The following RAB28 variants were observed in gnomAD, a reference collection of about 807,000 sequenced individuals.
The protein encoded by RAB28 is ras-related protein Rab-28.
Under a neutral mutation model 31.7 loss-of-function variants are expected in RAB28, and 24 were observed. The observed-to-expected ratio is 0.76, with a 90% CI of 0.55 to 1.06. RAB28 has a LOEUF of 1.06. Among genes scored for constraint, RAB28 ranks in the 50% least tolerant of loss-of-function variants. RAB28 has a pLI of 0.00. For synonymous variants in RAB28, 100 were observed against 90.4 expected (o/e 1.11, Z -0.60); for missense variants, 254 against 258.5 (o/e 0.98, Z 0.12).
At position 13,367,760 on chromosome 4, in the gene RAB28, T is replaced by G; in HGVS notation, c.*798A>C. ...AGTTTATTTGTGAAAGAAAAACATC[T>G]GAACATCAGGTACAGTCTGATCCAC... On this transcript the variant is annotated 3_prime_UTR_variant, in exon 7 of 7. Coordinates refer to ENST00000330852, the MANE Select transcript of RAB28 (RefSeq NM_001017979.3). The G allele has an allele frequency of 1.0e-6, 1 of 985,064 alleles. No homozygotes were observed. The highest frequency in any genetic ancestry group is 1.2e-6 in the Non-Finnish European group (1 of 829,616). 61.0% of individuals were successfully genotyped at this position (985,064 alleles called of 1,614,324 possible). A position where few individuals can be genotyped will look rare whatever the true frequency, so the allele number is the denominator to read the frequency against.
chr4:13,393,754 T>C (rs1177000504), intron 4 of RAB28, among the ~76,000 whole-genome samples: 2 of 150,420 alleles, frequency 1.3e-5, no homozygotes, highest in Non-Finnish European at 2.9e-5. Flanking sequence ...ACATATTATA[T>C]ACATGCAGCT....
chr4:13,474,443 C>CA (rs1173236610), intron 2 of RAB28, 37 bp from the exon 3 acceptor site: 2 of 1,253,336 alleles, frequency 1.6e-6, no homozygotes, highest in Admixed American at 2.0e-5. Context: ...ATAAGAATAC[C>CA]AAAAAAATTA....
chr4:13,402,330 T>C (rs1711814319), intron 4 of RAB28, among the ~76,000 whole-genome samples: 1 of 152,244 alleles, frequency 6.6e-6, no homozygotes, highest in South Asian at 2.1e-4. Flanking sequence ...ATAAAACATG[T>C]AGACATTGAT....
At chr4:13,369,786 T>G in intron 6 of RAB28, 1 of 1,248,080 alleles carries the variant, frequency 8.0e-7, no homozygotes, top group Non-Finnish European at 1.1e-6. Flanking sequence ...TGAACTTCCC[T>G]ATTCATAGGG....
chr4:13,448,914 G>A (rs1415185488), intron 4 of RAB28, among the ~76,000 whole-genome samples: 1 of 151,438 alleles, frequency 6.6e-6, no homozygotes, highest in African/African-American at 2.4e-5. Context: ...AAAAGAAAAA[G>A]CAGCAGCAGC....
intron 4 of RAB28, among the ~76,000 whole-genome samples, chr4:13,386,250 T>C (rs1037125561): frequency 2.0e-5 from 3 of 151,508 alleles, no homozygotes; most frequent in African/African-American, 7.3e-5. Context: ...AAAACAAAAA[T>C]TTACAAATGG....
intron 5 of RAB28, among the ~76,000 whole-genome samples, chr4:13,379,178 C>A (rs1359618386): frequency 7.0e-6 from 1 of 141,920 alleles, no homozygotes; most frequent in Non-Finnish European, 1.5e-5. Flanking sequence ...TGCACTCCAG[C>A]CCGGAGGACA....
rs752891237 is a variant in RAB28 at position 13,479,456 on chromosome 4, A to C, written c.146T>G (p.Phe49Cys). The change falls in exon 2 of 7, where the codon TTC becomes TGC. Residue 49 changes from phenylalanine (F) to cysteine (C), a missense_variant. Physicochemically the swap from Phe to Cys is radical, Grantham distance 205 (BLOSUM62 -2). Transcript: ENST00000330852. Reference sequence around the variant, plus strand: ...TGGCAATGTTATCCTTCTCAAAAAGAAATCCAGTCCTATAGTTTGTTTGTA... The same window carrying C: ...TGGCAATGTTATCCTTCTCAAAAAGCAATCCAGTCCTATAGTTTGTTTGTA... ...KQYKQTIGLD[F>C]FLRRITLPGN... The C allele has an allele frequency of 1.2e-6, 2 of 1,607,290 alleles. No homozygotes were observed. The highest frequency in any genetic ancestry group is 4.5e-5 in the East Asian group (2 of 44,682).
chr4:13,392,993 G>A (rs1041613753), intron 4 of RAB28, among the ~76,000 whole-genome samples: 3 of 152,096 alleles, frequency 2.0e-5, no homozygotes, highest in Non-Finnish European at 4.4e-5. Flanking sequence ...GTATGTGCCT[G>A]GCATATACTC....
At chr4:13,437,507 C>G (rs920939339) in intron 4 of RAB28, among the ~76,000 whole-genome samples, 11 of 150,700 alleles carry the variant, frequency 7.3e-5, no homozygotes, top group Non-Finnish European at 1.0e-4. Flanking sequence ...GAATTTAAGT[C>G]AAGGAAAAAA....
chr4:13,446,707 A>T (rs984873052), intron 4 of RAB28, among the ~76,000 whole-genome samples: 2 of 151,842 alleles, frequency 1.3e-5, no homozygotes, highest in African/African-American at 4.8e-5. Context: ...CAATGAGATG[A>T]ACTGGTACCT....
In RAB28 at chr4:13,368,663, A is replaced by G. The variant is rs570171601; in HGVS notation, c.574-13T>C. Reference sequence around the variant, plus strand: ...CCTTCACCACCCTCTGTCATAAAAGAAAACAGAGTTATTATCAGGATATCA... The same window carrying G: ...CCTTCACCACCCTCTGTCATAAAAGGAAACAGAGTTATTATCAGGATATCA... On this transcript the variant is annotated splice_polypyrimidine_tract_variant and intron_variant, in intron 6 of 6. Coordinates refer to ENST00000330852, the MANE Select transcript of RAB28 (RefSeq NM_001017979.3). 1 of 1,597,384 alleles carries G rather than the reference A, an allele frequency of 6.3e-7. No individual in the cohort carries two copies. Among genetic ancestry groups the G allele is most frequent in the South Asian group, 1.1e-5 (1 of 90,196 alleles).
At chr4:13,437,925 T>C (rs188004915) in intron 4 of RAB28, among the ~76,000 whole-genome samples, 4 of 152,120 alleles carry the variant, frequency 2.6e-5, no homozygotes, top group East Asian at 1.9e-4. Context: ...TTCACAATAG[T>C]GAAGTCATGG....
At chr4:13,427,098 A>T (rs1350822970) in intron 4 of RAB28, among the ~76,000 whole-genome samples, 3 of 152,204 alleles carry the variant, frequency 2.0e-5, no homozygotes, top group African/African-American at 7.2e-5. Context: ...GATATTTTAA[A>T]GCAAACTTTT....
At chr4:13,465,020 C>T (rs1421793199) in intron 3 of RAB28, among the ~76,000 whole-genome samples, 1 of 151,696 alleles carries the variant, frequency 6.6e-6, no homozygotes, top group Non-Finnish European at 1.5e-5. Flanking sequence ...TAAAGAATGC[C>T]ATTGTTGGGT....
intron 4 of RAB28, among the ~76,000 whole-genome samples, chr4:13,420,986 G>C (rs987355935): frequency 1.3e-5 from 2 of 152,188 alleles, no homozygotes; most frequent in African/African-American, 4.8e-5. Context: ...CAGATGACAT[G>C]ATTGTATATT....
rs1251945050 is a variant in RAB28 at position 13,375,800 on chromosome 4, G to C, written c.573+745C>G. 5.1e-3 allele frequency among the ~76,000 whole-genome samples: 718 copies of C among 141,060 alleles called. 6 individuals carry two copies. The highest frequency in any genetic ancestry group is 0.02 in the African/African-American group (682 of 34,912). 92.5% of individuals were successfully genotyped at this position (141,060 alleles called of 152,430 possible). ...ACACACACACACACACACACAGAGA[G>C]AGAGAGAGACCATGAGAAAAAGATA... On this transcript the variant is annotated intron_variant, in intron 6 of 6. Coordinates refer to ENST00000330852, the MANE Select transcript of RAB28 (RefSeq NM_001017979.3).
chr4:13,416,815 G>A lies in RAB28; in HGVS notation c.392-35221C>T, dbSNP rs142706930. Reference sequence around the variant, plus strand: ...ACAGCTCCAGTCTGCAGCTCCCAGTGTGATCAACACAGAAGATGGTGATTT... The same window carrying A: ...ACAGCTCCAGTCTGCAGCTCCCAGTATGATCAACACAGAAGATGGTGATTT... On this transcript the variant is annotated intron_variant, in intron 4 of 6. Transcript: ENST00000330852. 9.1e-3 allele frequency among the ~76,000 whole-genome samples: 1,389 copies of A among 152,332 alleles called. 10 individuals carry two copies. Among genetic ancestry groups the A allele is most frequent in the Non-Finnish European group, 0.015 (1,013 of 68,034 alleles).
intron 4 of RAB28, among the ~76,000 whole-genome samples, chr4:13,396,202 T>G (rs1435931339): frequency 6.6e-6 from 1 of 152,036 alleles, no homozygotes; most frequent in African/African-American, 2.4e-5. Flanking sequence ...AATATAGCAC[T>G]TGTACAGATT....
Sources: gnomAD v4.1 joint callset for allele counts (sites outside exome capture counted in the v4.1 genomes callset) on GRCh38, gnomAD v4.1.1 for gene constraint, MANE v1.5 for transcripts, NCBI Gene and HGNC (gene_info 2026-07-23, HGNC 2026-07-21) for gene names.